CADM4: variants seen among roughly 807,000 people sequenced by gnomAD.
The protein encoded by CADM4 is TSLC1-like 2.
In CADM4, 13 loss-of-function variants were observed where a neutral mutation model predicts 43.9. The ratio of observed to expected loss-of-function variants is 0.30; its 90% CI spans 0.19 to 0.47. The LOEUF (loss-of-function observed/expected upper bound fraction) is 0.47. Among genes scored for constraint, CADM4 ranks in the 20% least tolerant of loss-of-function variants. The pLI is 1.00. For missense variants in CADM4, 420 were observed against 527.0 expected, an observed-to-expected ratio of 0.80 and a Z score of 1.99; for synonymous variants, 209 against 220.9, an observed-to-expected ratio of 0.95 and a Z score of 0.48.
At position 43,624,126 on chromosome 19, in the gene CADM4, C is replaced by G; in HGVS notation, c.1045G>C (p.Val349Leu). The G allele has an allele frequency of 6.2e-7, 1 of 1,614,194 alleles. No individual in the cohort carries two copies. The highest frequency in any genetic ancestry group is 8.5e-7 in the Non-Finnish European group (1 of 1,180,038). ...CCGTCCCACTCACCCTTCTGCCGTA[C>G]CGAGCACCAGACCATGCCCACTAGC... ...CVLVGMVWCS[V>L]RQKGSYLTHE... Residue 349 changes from valine (V) to leucine (L), a missense_variant, in exon 8 of 9, where the codon GTA becomes CTA. Transcript: ENST00000222374.
In CADM4 at chr19:43,623,570, C is replaced by A; in HGVS notation, c.1058-131G>T. The A allele has an allele frequency of 1.4e-6, 1 of 695,138 alleles. No homozygotes were observed. Among genetic ancestry groups the A allele is most frequent in the Non-Finnish European group, 2.6e-6 (1 of 380,714 alleles). The allele number at this position is 695,138 out of a possible 1,614,324, so 43.1% of individuals were successfully genotyped here. On this transcript the variant is annotated intron_variant, in intron 8 of 8. Transcript: ENST00000222374. The surrounding 1 kb of genome is among the most constrained non-coding windows in gnomAD (Gnocchi z 4.4). ...AAGGAAGAGGGAGAAACGGAACACA[C>A]AGGGAGAGGCAGAGAAAGAGGTAAA...
At chr19:43,631,073 T>A (rs1486263452) in intron 1 of CADM4, among the ~76,000 whole-genome samples, 4 of 152,106 alleles carry the variant, frequency 2.6e-5, no homozygotes, top group Non-Finnish European at 5.9e-5. Context: ...CTGGGCACGG[T>A]GGCTCACACC....
intron 1 of CADM4, among the ~76,000 whole-genome samples, chr19:43,631,493 T>G (rs1973624895): frequency 6.6e-6 from 1 of 152,184 alleles, no homozygotes; most frequent in Non-Finnish European, 1.5e-5. Flanking sequence ...CATCCATTTT[T>G]CCCTTTCTCC....
Position 43,626,313 on chromosome 19 carries a change from T to G in CADM4, c.500-25A>C, listed in dbSNP as rs1306093632. 1 of 1,604,486 alleles carries G rather than the reference T, an allele frequency of 6.2e-7. No homozygotes were observed. Among genetic ancestry groups the G allele is most frequent in the Admixed American group, 1.7e-5 (1 of 59,896 alleles). ...CCTGCCACACCCCGGTCAGACACTG[T>G]CAGGCCACAATTCCGGCTCCATCCA... On this transcript the variant is annotated intron_variant, in intron 4 of 8. Transcript: ENST00000222374. The surrounding 1 kb of genome is among the most constrained non-coding windows in gnomAD (Gnocchi z 5.9).
rs113823626 is a variant in CADM4, at chr19:43,623,864, G to A, written c.1057+250C>T. 2.2e-4 allele frequency among the ~76,000 whole-genome samples: 33 copies of A among 152,276 alleles called. No individual in the cohort carries two copies. The highest frequency in any genetic ancestry group is 7.5e-4 in the African/African-American group (31 of 41,554). The stretch of plus-strand genomic sequence containing the variant: ...GCTTTATCCGCCTTGGCCTCCCAAC[G>A]TGCTGGGATTACAGGCGTGAGCCAC... On this transcript the variant is annotated intron_variant, in intron 8 of 8. Transcript: ENST00000222374. This position sits in a 1 kb window ranked among gnomAD's most constrained non-coding sequence, Gnocchi z 4.4.
intron 1 of CADM4, among the ~76,000 whole-genome samples, chr19:43,629,637 G>C (rs562216586): frequency 1.3e-5 from 2 of 152,114 alleles, no homozygotes; most frequent in African/African-American, 4.8e-5. Context: ...TTATTATTTT[G>C]GGACAGAGTA....
chr19:43,625,211 C>A lies in CADM4; in HGVS notation c.795G>T (p.Leu265Phe). The change falls in exon 7 of 9, where the codon TTG (leucine) becomes TTT (phenylalanine). Residue 265 changes from leucine to phenylalanine, a missense_variant. Transcript: ENST00000222374. This position sits in a 1 kb window ranked among gnomAD's most constrained non-coding sequence, Gnocchi z 4.5. ...CTCCCACGGCCTCCGCCCTCTCCGG[C>A]AAAGACTCATTCCCGCGGTTCCAGC... ...QIRWNRGNES[L>F]PERAEAVGET... is the part of the protein sequence containing the mutation. 6.2e-7 allele frequency: 1 copy of A among 1,614,242 alleles called. No individual in the cohort carries two copies. The highest frequency in any genetic ancestry group is 1.1e-5 in the South Asian group (1 of 91,088).
rs376637891 is a variant in CADM4, at chr19:43,624,264, G to A, written c.929-22C>T. The A allele has an allele frequency of 1.4e-5, 22 of 1,613,976 alleles. No homozygotes were observed. The African/African-American group carries it at 2.7e-4, about 20-fold the overall frequency. ...GGGTCTGCCAGAGGGACACGGCACA[G>A]GACCAGGTCATCAGAGGACGATCCC... On this transcript the variant is annotated intron_variant, in intron 7 of 8. Transcript: ENST00000222374.
rs1248496401 is a variant in CADM4, at chr19:43,639,741, G to A, written c.50C>T (p.Ala17Val). 11 of 1,016,068 alleles carry A rather than the reference G, an allele frequency of 1.1e-5. No individual in the cohort carries two copies. The highest frequency in any genetic ancestry group is 3.6e-5 in the South Asian group (1 of 27,984). The allele number at this position is 1,016,068 out of a possible 1,614,324, so 62.9% of individuals were successfully genotyped here. A position where few individuals can be genotyped will look rare whatever the true frequency, so the allele number is the denominator to read the frequency against. The change falls in exon 1 of 9, where the codon GCC becomes GTC. Residue 17 changes from alanine (A) to valine (V), a missense_variant. Ala to Val is a moderately conservative substitution (Grantham distance 64, BLOSUM62 0). Transcript: ENST00000222374. ...FQWPLLLLWA[A>V]AAGPGAGQEV... is the part of the protein sequence containing the mutation. ...CCCGACCCTACCTGGCCCCGCCGCG[G>A]CCGCCCACAGCAGCAGCAGCGGCCA...
chr19:43,626,356 AC>A lies in CADM4; in HGVS notation c.500-69del, dbSNP rs1299800379. 6.4e-7 allele frequency: 1 copy of A among 1,568,340 alleles called. No individual in the cohort carries two copies. The highest frequency in any genetic ancestry group is 2.3e-5 in the East Asian group (1 of 44,330). ...TCCATCCACCCACCCACCCGAGCCA[AC>A]GCCAAAGCAGGCTATTTGCCAAGCT... is the stretch of plus-strand genomic sequence containing the variant. On this transcript the variant is annotated intron_variant, in intron 4 of 8. Transcript: ENST00000222374. This position sits in a 1 kb window ranked among gnomAD's most constrained non-coding sequence, Gnocchi z 5.9.
In CADM4 at chr19:43,639,722, C is replaced by T. The variant is rs1973748961; in HGVS notation, c.64+5G>A. On this transcript the variant is annotated splice_donor_5th_base_variant and intron_variant, in intron 1 of 8. Coordinates refer to ENST00000222374, the MANE Select transcript of CADM4 (RefSeq NM_145296.2). ...CGGCCGGCCGACCCCGGCCCCCGAC[C>T]CTACCTGGCCCCGCCGCGGCCGCCC... 1 of 1,004,952 alleles carries T rather than the reference C, an allele frequency of 1.0e-6. No individual in the cohort carries two copies. The highest frequency in any genetic ancestry group is 1.2e-6 in the Non-Finnish European group (1 of 842,380). 62.3% of individuals were successfully genotyped at this position (1,004,952 alleles called of 1,614,324 possible).
In CADM4 at chr19:43,627,742, C is replaced by T; in HGVS notation, c.113G>A (p.Gly38Glu). Residue 38 changes from glycine to glutamate, a missense_variant, in exon 2 of 9, where the codon GGG becomes GAG. Transcript: ENST00000222374. The surrounding 1 kb of genome is among the most constrained non-coding windows in gnomAD (Gnocchi z 4.0). ...CAGACGGCAGGTGATCTCAGCCACC[C>T]CACCCTCAGCCACTGTCACGTTCTC... ...QTENVTVAEG[G>E]VAEITCRLHQ... is the part of the protein sequence containing the mutation. 1.2e-6 allele frequency: 2 copies of T among 1,614,074 alleles called. No individual in the cohort carries two copies. The highest frequency in any genetic ancestry group is 1.7e-6 in the Non-Finnish European group (2 of 1,179,958).
At chr19:43,634,737 T>C (rs893086429) in intron 1 of CADM4, among the ~76,000 whole-genome samples, 24 of 151,038 alleles carry the variant, frequency 1.6e-4, no homozygotes, top group African/African-American at 5.9e-4. Flanking sequence ...ACAGGGAGGG[T>C]TTGGGAAAGA....
intron 1 of CADM4, among the ~76,000 whole-genome samples, chr19:43,628,308 A>G (rs1478219007): frequency 1.3e-5 from 2 of 150,802 alleles, no homozygotes; most frequent in African/African-American, 4.9e-5. Flanking sequence ...GGTGGTGCGC[A>G]CCTGTAGTCC....
At chr19:43,630,002 A>G (rs1306821807) in intron 1 of CADM4, among the ~76,000 whole-genome samples, 3 of 151,866 alleles carry the variant, frequency 2.0e-5, no homozygotes, top group Admixed American at 6.6e-5. Flanking sequence ...TCTGCCTCCC[A>G]GGCTCGAGTG....
intron 1 of CADM4, 47 bp downstream of exon 1, chr19:43,639,680 C>T: frequency 1.0e-6 from 1 of 964,736 alleles, no homozygotes; most frequent in Non-Finnish European, 1.2e-6. Context: ...CACCACAGCG[C>T]GCCCCCCGCC....
Position 43,624,179 on chromosome 19 carries a change from G to A in CADM4, c.992C>T (p.Ala331Val). 1 of 1,614,122 alleles carries A rather than the reference G, an allele frequency of 6.2e-7. No homozygotes were observed. The highest frequency in any genetic ancestry group is 8.5e-7 in the Non-Finnish European group (1 of 1,180,022). ...VPYAIVGGILALLVFLIICVL... is the reference protein window; with the variant it reads ...VPYAIVGGILVLLVFLIICVL... ...ACATATGATCAGAAACACCAGCAGC[G>A]CCAGGATGCCGCCCACAATGGCATA... Residue 331 changes from alanine to valine, a missense_variant, in exon 8 of 9, where the codon GCG becomes GTG. Transcript: ENST00000222374.
chr19:43,623,325 T>C lies in CADM4; in HGVS notation c.*5A>G. 2.5e-6 allele frequency: 4 copies of C among 1,611,310 alleles called. No individual in the cohort carries two copies. The highest frequency in any genetic ancestry group is 3.4e-6 in the Non-Finnish European group (4 of 1,177,816). On this transcript the variant is annotated 3_prime_UTR_variant, in exon 9 of 9. Coordinates refer to ENST00000222374, the MANE Select transcript of CADM4 (RefSeq NM_145296.2). The surrounding 1 kb of genome is among the most constrained non-coding windows in gnomAD (Gnocchi z 4.4). ...CCCAGGCCTAGGCCTGGGGTGGGGA[T>C]AGGGTCAGATGAAGAATTCCTCTTT... is the stretch of plus-strand genomic sequence containing the variant.
At chr19:43,639,343 T>G (rs1281992843) in intron 1 of CADM4, among the ~76,000 whole-genome samples, 3 of 118,622 alleles carry the variant, frequency 2.5e-5, no homozygotes, top group African/African-American at 3.2e-5. Flanking sequence ...GACTGAGGGA[T>G]AGAGGACAAG....
Sources: allele counts gnomAD v4.1 joint callset (sites outside exome capture counted in the v4.1 genomes callset), GRCh38; gene constraint gnomAD v4.1.1; non-coding constraint Gnocchi (gnomAD v3.1); transcripts MANE v1.5; gene names NCBI Gene and HGNC (gene_info 2026-07-23, HGNC 2026-07-21).